The following R3HCC1L variants were observed in gnomAD, a reference collection of about 807,000 sequenced individuals.
The protein encoded by R3HCC1L is R3H domain and coiled-coil containing 1 like.
R3HCC1L carries 51 observed loss-of-function variants against 59.9 expected under a neutral mutation model. That is an observed-to-expected ratio of 0.85 (90% CI 0.68 to 1.07). R3HCC1L has a LOEUF of 1.07. Ranked by LOEUF, R3HCC1L falls within the 50% of genes least tolerant of loss-of-function variation. The pLI is 0.00. For missense variants in R3HCC1L, 965 were observed against 933.0 expected (o/e 1.03, Z -0.45); for synonymous variants, 322 against 315.2 (o/e 1.02, Z -0.23).
Position 98,208,595 on chromosome 10 carries a change from A to G in R3HCC1L, c.481A>G (p.Ile161Val), listed in dbSNP as rs144063837. 65 of 1,614,112 alleles carry G rather than the reference A, an allele frequency of 4.0e-5. No homozygotes were observed. In the African/African-American group the frequency reaches 6.1e-4, roughly 15 times the overall value. Residue 161 changes from isoleucine to valine, a missense_variant, in exon 5 of 10, where the codon ATA becomes GTA. By Grantham distance (29) the Ile-to-Val change is conservative. Coordinates refer to ENST00000298999, the MANE Select transcript of R3HCC1L (RefSeq NM_001351015.2). ...TACGGATGTGACAGGACATGAGAGG[A>G]TACTTCTTTCACAGGCCTGTTTAGA... ...ETTDVTGHER[I>V]LLSQACLEIS... is the part of the protein sequence containing the mutation.
chr10:98,217,278 G>C (rs184044437), intron 5 of R3HCC1L, among the ~76,000 whole-genome samples: 1 of 152,100 alleles, frequency 6.6e-6, no homozygotes, highest in Non-Finnish European at 1.5e-5. Flanking sequence ...TGAAGAGGGC[G>C]TGCTTTCCTC....
intron 6 of R3HCC1L, 103 bp downstream of exon 6, chr10:98,231,790 AT>A: frequency 8.2e-7 from 1 of 1,226,614 alleles, no homozygotes; most frequent in Non-Finnish European, 1.1e-6. Context: ...CGTTTTTCAT[AT>A]TTTAGCATCA....
rs1376312676 is a variant in R3HCC1L at position 98,244,835 on chromosome 10, T to TC, written c.*679dup. 1 of 152,284 alleles carries TC rather than the reference T, an allele frequency of 6.6e-6. No homozygotes were observed. Among genetic ancestry groups the TC allele is most frequent in the African/African-American group, 2.4e-5 (1 of 41,454 alleles). The allele number at this position is 152,284 out of a possible 1,614,324, so 9.4% of individuals were successfully genotyped here. ...CCAACCTTGGGAGCTGTGTGCCAGT[T>TC]CCAGTGTAAGCAGTAATACCATGTT... On this transcript the variant is annotated 3_prime_UTR_variant, in exon 10 of 10. Coordinates refer to ENST00000298999, the MANE Select transcript of R3HCC1L (RefSeq NM_001351015.2).
At chr10:98,171,643 G>A (rs1848520181) in intron 4 of R3HCC1L, among the ~76,000 whole-genome samples, 1 of 152,170 alleles carries the variant, frequency 6.6e-6, no homozygotes, top group African/African-American at 2.4e-5. Flanking sequence ...ATAGTTAATA[G>A]TGAAACATTA....
At position 98,177,937 on chromosome 10, in the gene R3HCC1L, T is replaced by C. The variant is rs1242018794; in HGVS notation, c.-15+14540T>C. On this transcript the variant is annotated intron_variant, in intron 4 of 9. Transcript: ENST00000298999. ...TTCTTGTAAATTTGTTTAAGTTCTTTGTAGATTCTGGATATTAGCCCTTTG... is the reference window on the plus strand; with the variant it reads ...TTCTTGTAAATTTGTTTAAGTTCTTCGTAGATTCTGGATATTAGCCCTTTG... 3.9e-5 allele frequency among the ~76,000 whole-genome samples: 6 copies of C among 152,336 alleles called. No homozygotes were observed. In the East Asian group the frequency reaches 1.2e-3, roughly 29 times the overall value.
chr10:98,207,999 TG>T, intron 4 of R3HCC1L, 101 bp from the exon 5 acceptor site: 1 of 1,106,840 alleles, frequency 9.0e-7, no homozygotes, highest in Non-Finnish European at 1.3e-6. Context: ...TACTCTAGCC[TG>T]GGTGACAGTG....
At chr10:98,214,738 A>G (rs1853970652) in intron 5 of R3HCC1L, among the ~76,000 whole-genome samples, 1 of 152,246 alleles carries the variant, frequency 6.6e-6, no homozygotes, top group South Asian at 2.1e-4. Context: ...AATTTATAGT[A>G]TAGTCCTTGA....
chr10:98,160,367 A>G (rs1414410583), intron 2 of R3HCC1L, among the ~76,000 whole-genome samples: 2 of 152,236 alleles, frequency 1.3e-5, no homozygotes, highest in Non-Finnish European at 2.9e-5. Context: ...TAAATATGAG[A>G]TATCTCACTG....
intron 1 of R3HCC1L, among the ~76,000 whole-genome samples, chr10:98,141,628 G>C (rs1845144304): frequency 6.6e-6 from 1 of 152,214 alleles, no homozygotes; most frequent in Non-Finnish European, 1.5e-5. Flanking sequence ...AGCTGGTGGT[G>C]ACTTTATGGC....
At chr10:98,168,952 T>G (rs1409524062) in intron 4 of R3HCC1L, among the ~76,000 whole-genome samples, 1 of 152,170 alleles carries the variant, frequency 6.6e-6, no homozygotes. Context: ...ATTATTCTTA[T>G]GCGGAATAGA....
Position 98,209,152 on chromosome 10 carries a change from G to A in R3HCC1L, c.1038G>A (p.Lys346=). The A allele has an allele frequency of 3.1e-6, 5 of 1,613,982 alleles. No individual in the cohort carries two copies. The highest frequency in any genetic ancestry group is 3.4e-6 in the Non-Finnish European group (4 of 1,179,990). Residue 346 remains lysine (K), a synonymous_variant, in exon 5 of 10, where the codon AAG becomes AAA. Coordinates refer to ENST00000298999, the MANE Select transcript of R3HCC1L (RefSeq NM_001351015.2). ...NDSTADELHV[K]HEPPDTAVLA... is the part of the protein sequence containing the mutation. ...GCACTGCTGATGAGTTACATGTAAA[G>A]CACGAACCTCCTGATACAGCTGTCC... is the stretch of plus-strand genomic sequence containing the variant.
chr10:98,174,493 T>C (rs903721286), intron 4 of R3HCC1L: 69 of 785,496 alleles, frequency 8.8e-5, no homozygotes, highest in Middle Eastern at 6.5e-4. Context: ...CTCAAGAAAC[T>C]TGTAGAGTGT....
intron 1 of R3HCC1L, among the ~76,000 whole-genome samples, chr10:98,154,423 G>A (rs370302521): frequency 3.0e-4 from 45 of 152,290 alleles, no homozygotes; most frequent in Admixed American, 4.6e-4. Flanking sequence ...AATAAACTAT[G>A]TGTTGGGTAC....
intron 4 of R3HCC1L, among the ~76,000 whole-genome samples, chr10:98,165,584 A>G (rs946870131): frequency 1.3e-5 from 2 of 152,254 alleles, no homozygotes; most frequent in East Asian, 1.9e-4. Context: ...ATTGTCAGAC[A>G]TCAAAGACAA....
chr10:98,146,863 T>C lies in R3HCC1L; in HGVS notation c.-267-9230T>C, dbSNP rs148426391. On this transcript the variant is annotated intron_variant, in intron 1 of 9. Coordinates refer to ENST00000298999, the MANE Select transcript of R3HCC1L (RefSeq NM_001351015.2). ...TATAGTGAATAGTGCTGTGAAAAAA[T>C]AACATGGAAGTGCAGATGTCTCTTT... Among the ~76,000 whole-genome samples the C allele has an allele frequency of 1.1e-3, 170 of 152,292 alleles. 1 individual carries two copies. Among genetic ancestry groups the C allele is most frequent in the African/African-American group, 4.0e-3 (167 of 41,578 alleles).
In R3HCC1L at chr10:98,244,393, GA is replaced by G; in HGVS notation, c.*237del. ...GGCGTAGTAGGGAGCCATCAGCTAG[GA>G]AGAAACGTGGGAGATGTGAATTCCA... On this transcript the variant is annotated 3_prime_UTR_variant, in exon 10 of 10. Coordinates refer to ENST00000298999, the MANE Select transcript of R3HCC1L (RefSeq NM_001351015.2). 1 of 389,104 alleles carries G rather than the reference GA, an allele frequency of 2.6e-6. No individual in the cohort carries two copies. The highest frequency in any genetic ancestry group is 4.7e-6 in the Non-Finnish European group (1 of 210,646). The allele number at this position is 389,104 out of a possible 1,614,324, so 24.1% of individuals were successfully genotyped here. A position where few individuals can be genotyped will look rare whatever the true frequency, so the allele number is the denominator to read the frequency against.
chr10:98,155,511 A>G lies in R3HCC1L; in HGVS notation c.-267-582A>G, dbSNP rs1027823608. 3.9e-5 allele frequency among the ~76,000 whole-genome samples: 6 copies of G among 152,258 alleles called. No individual in the cohort carries two copies. In the East Asian group the frequency reaches 9.6e-4, roughly 24 times the overall value. On this transcript the variant is annotated intron_variant, in intron 1 of 9. Coordinates refer to ENST00000298999, the MANE Select transcript of R3HCC1L (RefSeq NM_001351015.2). ...ATGTTTTCTTTAGACATGTTTTTGA[A>G]TGATGAACAATTAAGTTTATATGTT... is the stretch of plus-strand genomic sequence containing the variant.
rs1564699728 is a variant in R3HCC1L at position 98,209,259 on chromosome 10, G to GA, written c.1145_1146insA (p.Met383TyrfsTer4). The GA allele has an allele frequency of 1.2e-6, 2 of 1,613,936 alleles. No individual in the cohort carries two copies. On this transcript the variant is annotated frameshift_variant, in exon 5 of 10. Coordinates refer to ENST00000298999, the MANE Select transcript of R3HCC1L (RefSeq NM_001351015.2). LOFTEE classifies it high-confidence loss of function. ...AAAGCATGTATGATGGACACTACAG[G>GA]TATGTCCTGTAGTGATCATGTAACT...
At chr10:98,214,491 A>C (rs1853941193) in intron 5 of R3HCC1L, among the ~76,000 whole-genome samples, 1 of 152,200 alleles carries the variant, frequency 6.6e-6, no homozygotes, top group African/African-American at 2.4e-5. Flanking sequence ...CCTCACCTAC[A>C]TAATTGAGAA....
Sources: gnomAD v4.1 joint callset for allele counts (sites outside exome capture counted in the v4.1 genomes callset) on GRCh38, gnomAD v4.1.1 for gene constraint, MANE v1.5 for transcripts, NCBI Gene and HGNC (gene_info 2026-07-23, HGNC 2026-07-21) for gene names.